The following EFCAB6 variants were observed in gnomAD, a reference collection of about 807,000 sequenced individuals.
EFCAB6 encodes EF-hand calcium-binding domain-containing protein 6.
EFCAB6 carries 156 observed loss-of-function variants against 169.8 expected under a neutral mutation model. The ratio of observed to expected loss-of-function variants is 0.92; its 90% CI spans 0.81 to 1.05. The LOEUF (loss-of-function observed/expected upper bound fraction) is 1.05, where lower values mean the gene tolerates loss of function less well. Among genes scored for constraint, EFCAB6 ranks in the 50% least tolerant of loss-of-function variants. EFCAB6 has a pLI of 0.00. For synonymous variants in EFCAB6, 698 were observed against 676.4 expected (o/e 1.03, Z -0.50); for missense variants, 1,800 against 1,829.1 (o/e 0.98, Z 0.29).
chr22:43,697,620 T>C (rs886088239), intron 10 of EFCAB6, among the ~76,000 whole-genome samples: 2 of 152,098 alleles, frequency 1.3e-5, no homozygotes, highest in African/African-American at 4.8e-5. Flanking sequence ...AAAAAACACA[T>C]GAATAACCAT....
chr22:43,733,711 C>G (rs937465845), intron 7 of EFCAB6, among the ~76,000 whole-genome samples: 7 of 151,968 alleles, frequency 4.6e-5, no homozygotes, highest in Admixed American at 3.3e-4. Flanking sequence ...GCTGCTCAGT[C>G]CCCCCTTTTT....
chr22:43,626,335 A>T, intron 20 of EFCAB6, 112 bp downstream of exon 20: 1 of 1,098,202 alleles, frequency 9.1e-7, no homozygotes, highest in Non-Finnish European at 1.3e-6. Context: ...GAAAAAGAAA[A>T]AAATAATCAC....
chr22:43,634,025 G>A (rs991041853), intron 18 of EFCAB6, among the ~76,000 whole-genome samples: 5 of 152,150 alleles, frequency 3.3e-5, no homozygotes, highest in Non-Finnish European at 5.9e-5. Flanking sequence ...AGCAGGAAGT[G>A]AGGGGAGGAG....
At chr22:43,692,758 G>A (rs1374928671) in intron 10 of EFCAB6, among the ~76,000 whole-genome samples, 1 of 151,888 alleles carries the variant, frequency 6.6e-6, no homozygotes, top group East Asian at 1.9e-4. Flanking sequence ...ATACTAGATG[G>A]TCTGACATAT....
At chr22:43,811,521 T>A (rs1204885831) in intron 1 of EFCAB6, among the ~76,000 whole-genome samples, 1 of 152,188 alleles carries the variant, frequency 6.6e-6, no homozygotes, top group East Asian at 1.9e-4. Flanking sequence ...AACCTTCAAG[T>A]AAGCCCTATA....
intron 26 of EFCAB6, among the ~76,000 whole-genome samples, chr22:43,559,946 G>A (rs1332461763): frequency 6.6e-6 from 1 of 152,154 alleles, no homozygotes; most frequent in Non-Finnish European, 1.5e-5. Context: ...AGGTTGATAA[G>A]TGTAGGAAAC....
At chr22:43,654,280 C>A (rs1202489314) in intron 17 of EFCAB6, among the ~76,000 whole-genome samples, 1 of 151,584 alleles carries the variant, frequency 6.6e-6, no homozygotes, top group Non-Finnish European at 1.5e-5. Context: ...AGCATTGTAA[C>A]TCCCCACTTC....
intron 9 of EFCAB6, among the ~76,000 whole-genome samples, chr22:43,714,469 CTT>C (rs1024658737): frequency 6.6e-6 from 1 of 151,144 alleles, no homozygotes; most frequent in Non-Finnish European, 1.5e-5. Context: ...TTCCAGGAAA[CTT>C]TGTCAAAATG....
chr22:43,737,545 ATG>A (rs2060190725), intron 6 of EFCAB6, among the ~76,000 whole-genome samples: 1 of 150,238 alleles, frequency 6.7e-6, no homozygotes, highest in African/African-American at 2.5e-5. Flanking sequence ...TCACACACAC[ATG>A]TATTCATACA....
At chr22:43,797,423 A>G (rs2062551193) in intron 2 of EFCAB6, 1 of 152,618 alleles carries the variant, frequency 6.6e-6, no homozygotes, top group Non-Finnish European at 1.5e-5. Flanking sequence ...TATGCAAGCT[A>G]CAAGAATGGA....
chr22:43,581,528 A>G (rs1260779560), intron 24 of EFCAB6, among the ~76,000 whole-genome samples: 4 of 152,250 alleles, frequency 2.6e-5, no homozygotes, highest in Non-Finnish European at 5.9e-5. Context: ...AACATATAGC[A>G]TATCTATTAA....
At chr22:43,652,477 T>C (rs2148068231) in intron 17 of EFCAB6, among the ~76,000 whole-genome samples, 1 of 152,250 alleles carries the variant, frequency 6.6e-6, no homozygotes, top group East Asian at 1.9e-4. Flanking sequence ...AACGGACTGA[T>C]ACACCCAGGC....
intron 19 of EFCAB6, among the ~76,000 whole-genome samples, chr22:43,630,868 G>A (rs746940780): frequency 1.2e-4 from 18 of 150,670 alleles, no homozygotes; most frequent in Admixed American, 3.9e-4. Context: ...GGACCAATCC[G>A]TCTCCATGTA....
intron 27 of EFCAB6, among the ~76,000 whole-genome samples, chr22:43,545,348 A>T (rs1031975079): frequency 3.3e-5 from 5 of 152,218 alleles, no homozygotes; most frequent in Non-Finnish European, 5.9e-5. Flanking sequence ...GTTTAAAGAG[A>T]TCCTAGGCAT....
chr22:43,701,126 C>A (rs1181122736), intron 10 of EFCAB6, among the ~76,000 whole-genome samples: 1 of 152,184 alleles, frequency 6.6e-6, no homozygotes, highest in Non-Finnish European at 1.5e-5. Context: ...GATTTGCTGT[C>A]TTCTGGTAAT....
At chr22:43,598,206 C>G (rs1436330532) in intron 23 of EFCAB6, among the ~76,000 whole-genome samples, 2 of 143,650 alleles carry the variant, frequency 1.4e-5, no homozygotes, top group Non-Finnish European at 3.0e-5. Context: ...ACTCAGGAGG[C>G]TGAGGTGGGA....
intron 22 of EFCAB6, among the ~76,000 whole-genome samples, chr22:43,602,442 A>G (rs5764681): frequency 0.74 from 113,114 of 152,074 alleles, 42,190 homozygotes; most frequent in Admixed American, 0.81. Context: ...TGTTGCTGGT[A>G]ATGCTAAGAT....
intron 25 of EFCAB6, among the ~76,000 whole-genome samples, chr22:43,578,636 T>A (rs1176399085): frequency 6.6e-6 from 1 of 152,046 alleles, no homozygotes; most frequent in Non-Finnish European, 1.5e-5. Flanking sequence ...ACAAGCATCA[T>A]TCCATACATG....
At chr22:43,636,653 C>T (rs1351045516) in intron 17 of EFCAB6, among the ~76,000 whole-genome samples, 3 of 149,802 alleles carry the variant, frequency 2.0e-5, no homozygotes, top group African/African-American at 7.4e-5. Context: ...CTCTGTCACC[C>T]AGGCTGGAGT....
Sources: allele counts gnomAD v4.1 joint callset (sites outside exome capture counted in the v4.1 genomes callset), GRCh38; gene constraint gnomAD v4.1.1; transcripts MANE v1.5; gene names NCBI Gene and HGNC (gene_info 2026-07-23, HGNC 2026-07-21).